Variants in ATP4B observed in about 807,000 individuals in gnomAD.
The protein encoded by ATP4B is potassium-transporting ATPase subunit beta.
A neutral mutation model predicts 35.3 loss-of-function variants in ATP4B; 27 were observed. That is an observed-to-expected ratio of 0.76 (90% confidence interval 0.56 to 1.05). The LOEUF is 1.05. Among genes scored for constraint, ATP4B ranks in the 50% least tolerant of loss-of-function variants. ATP4B has a pLI of 0.00. For synonymous variants in ATP4B, 162 were observed against 156.0 expected, an observed-to-expected ratio of 1.04 and a Z score of -0.29; for missense variants, 375 against 384.8, an observed-to-expected ratio of 0.97 and a Z score of 0.21.
chr13:113,651,715 G>A lies in ATP4B; in HGVS notation c.568C>T (p.Leu190Phe). The change falls in exon 5 of 7, where the codon CTC (leucine) becomes TTC (phenylalanine). Residue 190 changes from leucine to phenylalanine, a missense_variant. Coordinates refer to ENST00000335288, the MANE Select transcript of ATP4B (RefSeq NM_000705.4). ...IIKMNRIVKF[L>F]PSNGSAPRVD... Reference sequence around the variant, plus strand: ...CTGGGGGCCGAGCCGTTGCTGGGGAGGAACTTGACGATCTAGAAGGGAAAA... The same window carrying A: ...CTGGGGGCCGAGCCGTTGCTGGGGAAGAACTTGACGATCTAGAAGGGAAAA... 6.2e-7 allele frequency: 1 copy of A among 1,613,862 alleles called. No individual in the cohort carries two copies. Among genetic ancestry groups the A allele is most frequent in the Non-Finnish European group, 8.5e-7 (1 of 1,179,868 alleles).
intron 4 of ATP4B, 83 bp downstream of exon 4, chr13:113,652,790 C>T: frequency 1.3e-6 from 2 of 1,499,862 alleles, no homozygotes; most frequent in Non-Finnish European, 1.8e-6. Flanking sequence ...AGACAGGACA[C>T]CTGTGCTCCT....
intron 2 of ATP4B, among the ~76,000 whole-genome samples, chr13:113,654,234 T>TA (rs747491936): frequency 2.6e-5 from 4 of 152,214 alleles, no homozygotes; most frequent in Admixed American, 6.5e-5. Context: ...ATACGTGGTT[T>TA]AAAATAAAAA....
intron 1 of ATP4B, 77 bp downstream of exon 1, chr13:113,657,956 C>T: frequency 8.0e-7 from 1 of 1,253,520 alleles, no homozygotes; most frequent in Non-Finnish European, 1.1e-6. Flanking sequence ...TGCTCCCCTC[C>T]TCCTGAGCTC....
chr13:113,654,700 G>C (rs1157079968), intron 2 of ATP4B, 114 bp downstream of exon 2: 1 of 1,454,356 alleles, frequency 6.9e-7, no homozygotes, highest in East Asian at 2.5e-5. Flanking sequence ...TGCCGGGCTG[G>C]CTTCCCTGGG....
In ATP4B at chr13:113,651,740, A is replaced by T. The variant is rs767595440; in HGVS notation, c.556-13T>A. On this transcript the variant is annotated splice_polypyrimidine_tract_variant and intron_variant, in intron 4 of 6. Transcript: ENST00000335288. ...GGAACTTGACGATCTAGAAGGGAAA[A>T]GCTTGAGCGTGGCCGCTCCCCACCC... 1 of 1,613,216 alleles carries T rather than the reference A, an allele frequency of 6.2e-7. No homozygotes were observed. The highest frequency in any genetic ancestry group is 1.1e-5 in the South Asian group (1 of 90,948).
chr13:113,651,839 C>T (rs2049715220), intron 4 of ATP4B, 112 bp from the exon 5 acceptor site: 3 of 1,317,894 alleles, frequency 2.3e-6, no homozygotes, highest in East Asian at 5.2e-5. Flanking sequence ...GGCTTTCTGA[C>T]CAGGACTGAG....
intron 1 of ATP4B, among the ~76,000 whole-genome samples, chr13:113,655,247 G>A (rs1338367599): frequency 1.3e-5 from 2 of 152,194 alleles, no homozygotes; most frequent in Non-Finnish European, 2.9e-5. Context: ...AGATGTGGCC[G>A]AGGATGCGCC....
In ATP4B at chr13:113,649,330, T is replaced by C; in HGVS notation, c.*44A>G. 2 of 1,557,588 alleles carry C rather than the reference T, an allele frequency of 1.3e-6. No homozygotes were observed. The highest frequency in any genetic ancestry group is 1.2e-5 in the South Asian group (1 of 84,618). On this transcript the variant is annotated 3_prime_UTR_variant, in exon 7 of 7. Coordinates refer to ENST00000335288, the MANE Select transcript of ATP4B (RefSeq NM_000705.4). The surrounding 1 kb of genome is among the most constrained non-coding windows in gnomAD (Gnocchi z 4.7). Reference sequence around the variant, plus strand: ...GTAAGCCCAACCAGGAGGGTGTCCTTGAGCGACCCCGCAGGCGTGCCCAGG... The same window carrying C: ...GTAAGCCCAACCAGGAGGGTGTCCTCGAGCGACCCCGCAGGCGTGCCCAGG...
At position 113,649,584 on chromosome 13, in the gene ATP4B, TAAG is replaced by T. The variant is rs752370728; in HGVS notation, c.715-52_715-50del. 2.1e-5 allele frequency: 30 copies of T among 1,445,306 alleles called. No homozygotes were observed. The highest frequency in any genetic ancestry group is 2.9e-5 in the South Asian group (2 of 68,258). The allele number at this position is 1,445,306 out of a possible 1,614,324, so 89.5% of individuals were successfully genotyped here. A position where few individuals can be genotyped will look rare whatever the true frequency, so the allele number is the denominator to read the frequency against. On this transcript the variant is annotated intron_variant, in intron 6 of 6. Transcript: ENST00000335288. This position sits in a 1 kb window ranked among gnomAD's most constrained non-coding sequence, Gnocchi z 4.7. Reference sequence around the variant, plus strand: ...CAGGTGTTTCAAAAATCTCTGAAGTTAAGGAGAGAAAACTAAGCAAGGAAGTGT... The same window carrying T: ...CAGGTGTTTCAAAAATCTCTGAAGTTGAGAGAAAACTAAGCAAGGAAGTGT...
Position 113,650,535 on chromosome 13 carries a change from C to G in ATP4B, c.613-28G>C. 1 of 1,584,468 alleles carries G rather than the reference C, an allele frequency of 6.3e-7. No homozygotes were observed. The highest frequency in any genetic ancestry group is 8.6e-7 in the Non-Finnish European group (1 of 1,160,434). ...GGGGAGGAGAGGCCACTGCCTGAGT[C>G]AGGCGGGAGCTGGTGTGTGCCGGTG... is the stretch of plus-strand genomic sequence containing the variant. On this transcript the variant is annotated intron_variant, in intron 5 of 6. Coordinates refer to ENST00000335288, the MANE Select transcript of ATP4B (RefSeq NM_000705.4). The surrounding 1 kb of genome is among the most constrained non-coding windows in gnomAD (Gnocchi z 5.0).
At chr13:113,652,331 T>A (rs1202326321) in intron 4 of ATP4B, among the ~76,000 whole-genome samples, 1 of 152,196 alleles carries the variant, frequency 6.6e-6, no homozygotes, top group Non-Finnish European at 1.5e-5. Flanking sequence ...GCCTGCAGCC[T>A]CTTAAGTGGA....
intron 4 of ATP4B, 117 bp downstream of exon 4, chr13:113,652,756 C>A: frequency 5.8e-6 from 7 of 1,205,820 alleles, no homozygotes; most frequent in Non-Finnish European, 8.4e-6. Flanking sequence ...AGGCTGGAGT[C>A]CCTGTCCCGC....
rs762958937 is a variant in ATP4B, at chr13:113,651,663, G to A, written c.612+8C>T. On this transcript the variant is annotated splice_region_variant and intron_variant, in intron 5 of 6. Coordinates refer to ENST00000335288, the MANE Select transcript of ATP4B (RefSeq NM_000705.4). ...GGGCAGCCCTGCCCGCCGCGCGGCC[G>A]TACTCACCAGGAAGGCGCAGTCCAC... 71 of 1,609,708 alleles carry A rather than the reference G, an allele frequency of 4.4e-5. No homozygotes were observed. Among genetic ancestry groups the A allele is most frequent in the African/African-American group, 3.2e-4 (24 of 74,804 alleles).
intron 1 of ATP4B, 49 bp from the exon 2 acceptor site, chr13:113,654,991 C>T: frequency 6.2e-7 from 1 of 1,609,222 alleles, no homozygotes; most frequent in Non-Finnish European, 8.5e-7. Context: ...CATTTTAACG[C>T]ACACAATTCG....
chr13:113,655,814 G>A (rs1231942474), intron 1 of ATP4B, among the ~76,000 whole-genome samples: 2 of 152,216 alleles, frequency 1.3e-5, no homozygotes, highest in African/African-American at 2.4e-5. Flanking sequence ...GTTCTCCAGT[G>A]ACCCAAAACA....
rs548326649 is a variant in ATP4B, at chr13:113,649,703, C to T, written c.715-168G>A. On this transcript the variant is annotated intron_variant, in intron 6 of 6. Coordinates refer to ENST00000335288, the MANE Select transcript of ATP4B (RefSeq NM_000705.4). The surrounding 1 kb of genome is among the most constrained non-coding windows in gnomAD (Gnocchi z 4.7). ...CCTGGAATTTGCTGAGATAACACCCCCCATGTAAAAATGGAAAGCAACTGT... is the reference window on the plus strand; with the variant it reads ...CCTGGAATTTGCTGAGATAACACCCTCCATGTAAAAATGGAAAGCAACTGT... 6.6e-6 allele frequency among the ~76,000 whole-genome samples: 1 copy of T among 152,288 alleles called. No individual in the cohort carries two copies. Among genetic ancestry groups the T allele is most frequent in the South Asian group, 2.1e-4 (1 of 4,824 alleles).
intron 4 of ATP4B, 91 bp from the exon 5 acceptor site, chr13:113,651,818 GCC>G: frequency 6.8e-7 from 1 of 1,472,616 alleles, no homozygotes. Context: ...GATCTGGCCG[GCC>G]CCAGCCTGGG....
chr13:113,652,873 C>G lies in ATP4B; in HGVS notation c.555G>C (p.Arg185Ser), dbSNP rs1476222630. Residue 185 changes from arginine to serine, a missense_variant and splice_region_variant, in exon 4 of 7, where the codon AGG becomes AGC. Arg to Ser is a moderately radical substitution (Grantham distance 110). Transcript: ENST00000335288. ...GKPCFIIKMN[R>S]IVKFLPSNGS... ...TGTGAAGGAGACCCTCAGTACTCACCCTGTTCATTTTAATAATAAAACATG... is the reference window on the plus strand; with the variant it reads ...TGTGAAGGAGACCCTCAGTACTCACGCTGTTCATTTTAATAATAAAACATG... The G allele has an allele frequency of 6.2e-7, 1 of 1,613,946 alleles. No homozygotes were observed. The highest frequency in any genetic ancestry group is 8.5e-7 in the Non-Finnish European group (1 of 1,180,008).
chr13:113,650,556 C>T lies in ATP4B; in HGVS notation c.613-49G>A, dbSNP rs75312839. Reference sequence around the variant, plus strand: ...GAGTCAGGCGGGAGCTGGTGTGTGCCGGTGTCTGTGTGTTGCGTTTGTGTG... The same window carrying T: ...GAGTCAGGCGGGAGCTGGTGTGTGCTGGTGTCTGTGTGTTGCGTTTGTGTG... On this transcript the variant is annotated intron_variant, in intron 5 of 6. Coordinates refer to ENST00000335288, the MANE Select transcript of ATP4B (RefSeq NM_000705.4). This position sits in a 1 kb window ranked among gnomAD's most constrained non-coding sequence, Gnocchi z 5.0. 1,892 of 1,503,900 alleles carry T rather than the reference C, an allele frequency of 1.3e-3. 10 individuals carry two copies. The African/African-American group carries it at 0.023, about 19-fold the overall frequency. The allele number at this position is 1,503,900 out of a possible 1,614,324, so 93.2% of individuals were successfully genotyped here.
Sources: allele counts gnomAD v4.1 joint callset (sites outside exome capture counted in the v4.1 genomes callset), GRCh38; gene constraint gnomAD v4.1.1; non-coding constraint Gnocchi (gnomAD v3.1); transcripts MANE v1.5; gene names NCBI Gene and HGNC (gene_info 2026-07-23, HGNC 2026-07-21).